The following FAF1 variants were observed in gnomAD, a reference collection of about 807,000 sequenced individuals.
FAF1 encodes Fas associated factor 1, also known as FAS-associated factor 1.
FAF1 carries 25 observed loss-of-function variants against 92.5 expected under a neutral mutation model. That is an observed-to-expected ratio of 0.27 (90% CI 0.20 to 0.38). FAF1 has a LOEUF of 0.38. Ranked by LOEUF, FAF1 falls within the 10% of genes least tolerant of loss-of-function variation. The pLI, the probability that FAF1 is intolerant of heterozygous loss-of-function variation, is 1.00. For missense variants in FAF1, 636 were observed against 793.3 expected (o/e 0.80, Z 2.38); for synonymous variants, 234 against 273.2 (o/e 0.86, Z 1.42).
At chr1:50,745,706 G>A (rs1659560412) in intron 4 of FAF1, among the ~76,000 whole-genome samples, 1 of 152,144 alleles carries the variant, frequency 6.6e-6, no homozygotes, top group Non-Finnish European at 1.5e-5. Context: ...AAAGTCCATG[G>A]AACAGTGAGA....
intron 15 of FAF1, among the ~76,000 whole-genome samples, chr1:50,533,149 G>T (rs1215110872): frequency 6.6e-6 from 1 of 151,938 alleles, no homozygotes; most frequent in Non-Finnish European, 1.5e-5. Flanking sequence ...TGTTGCCCTG[G>T]CTGGAATACA....
At chr1:50,648,046 G>C (rs1178688488) in intron 8 of FAF1, among the ~76,000 whole-genome samples, 1 of 152,110 alleles carries the variant, frequency 6.6e-6, no homozygotes, top group Admixed American at 6.5e-5. Context: ...ATAACCTGAG[G>C]TCAGGAGTTA....
intron 1 of FAF1, among the ~76,000 whole-genome samples, chr1:50,892,712 TA>T (rs1644729743): frequency 6.6e-6 from 1 of 152,198 alleles, no homozygotes; most frequent in Non-Finnish European, 1.5e-5. Context: ...TTTTTAATTA[TA>T]TACTAATATC....
At position 50,543,513 on chromosome 1, in the gene FAF1, T is replaced by C. The variant is rs376738996; in HGVS notation, c.1269-3785A>G. Among the ~76,000 whole-genome samples, 57 of 152,334 alleles carry C rather than the reference T, an allele frequency of 3.7e-4. 4 individuals carry two copies. The highest frequency in any genetic ancestry group is 1.3e-3 in the African/African-American group (56 of 41,578). ...ACTTACCTTTAAAACACTTGTCTTC[T>C]TGTAAGGATGAAATAAGTTAAGATA... On this transcript the variant is annotated intron_variant, in intron 13 of 18. Coordinates refer to ENST00000396153, the MANE Select transcript of FAF1 (RefSeq NM_007051.3).
At chr1:50,445,725 G>T (rs1460239449) in intron 18 of FAF1, among the ~76,000 whole-genome samples, 1 of 152,196 alleles carries the variant, frequency 6.6e-6, no homozygotes, top group East Asian at 1.9e-4. Context: ...TGGGGGAGAA[G>T]GGTCATTCTC....
At chr1:50,646,556 T>C (rs979283565) in intron 8 of FAF1, among the ~76,000 whole-genome samples, 1 of 152,232 alleles carries the variant, frequency 6.6e-6, no homozygotes, top group African/African-American at 2.4e-5. Context: ...CCAATGCTTA[T>C]AATTTACAAA....
chr1:50,660,877 T>G (rs1254428735), intron 7 of FAF1, among the ~76,000 whole-genome samples: 1 of 152,148 alleles, frequency 6.6e-6, no homozygotes, highest in Non-Finnish European at 1.5e-5. Context: ...GTACTCCACC[T>G]TAGAAGAGAA....
intron 1 of FAF1, among the ~76,000 whole-genome samples, chr1:50,915,111 C>T (rs1570134972): frequency 6.6e-6 from 1 of 152,318 alleles, no homozygotes; most frequent in South Asian, 2.1e-4. Flanking sequence ...TGGCTCATGC[C>T]TGTAATCCTA....
chr1:50,478,690 G>A (rs1022359439), intron 17 of FAF1, among the ~76,000 whole-genome samples: 5 of 152,090 alleles, frequency 3.3e-5, no homozygotes, highest in African/African-American at 1.2e-4. Flanking sequence ...AATTCACAAT[G>A]TTGTACAACC....
chr1:50,696,128 T>C (rs959225891), intron 7 of FAF1, among the ~76,000 whole-genome samples: 1 of 152,194 alleles, frequency 6.6e-6, no homozygotes, highest in Non-Finnish European at 1.5e-5. Flanking sequence ...ATGTGTAAGA[T>C]AGAATCTTAT....
intron 1 of FAF1, among the ~76,000 whole-genome samples, chr1:50,908,084 T>C (rs550078272): frequency 1.3e-5 from 2 of 152,314 alleles, no homozygotes; most frequent in South Asian, 4.1e-4. Flanking sequence ...TTCGTTCTCA[T>C]TGGTTTCAAA....
chr1:50,560,024 T>A (rs1319091824), intron 13 of FAF1, among the ~76,000 whole-genome samples: 1 of 152,204 alleles, frequency 6.6e-6, no homozygotes, highest in Non-Finnish European at 1.5e-5. Flanking sequence ...CTCTGCAGAA[T>A]CCATATTTGT....
intron 1 of FAF1, among the ~76,000 whole-genome samples, chr1:50,877,518 T>G (rs1277481720): frequency 6.6e-6 from 1 of 152,146 alleles, no homozygotes; most frequent in Non-Finnish European, 1.5e-5. Flanking sequence ...TCATATATTA[T>G]GTATTAAAAA....
At chr1:50,903,377 C>T (rs901793596) in intron 1 of FAF1, among the ~76,000 whole-genome samples, 3 of 152,088 alleles carry the variant, frequency 2.0e-5, no homozygotes, top group African/African-American at 7.2e-5. Flanking sequence ...ATGATTAGCA[C>T]ACTGTGTCTT....
At chr1:50,582,863 T>C (rs1202174953) in intron 11 of FAF1, among the ~76,000 whole-genome samples, 164 bp from the exon 12 acceptor site, 2 of 152,184 alleles carry the variant, frequency 1.3e-5, no homozygotes, top group East Asian at 1.9e-4. Flanking sequence ...TATTGGTTTT[T>C]AGAATTCTTC....
intron 1 of FAF1, among the ~76,000 whole-genome samples, chr1:50,943,590 A>G (rs1453671530): frequency 6.6e-6 from 1 of 152,150 alleles, no homozygotes; most frequent in African/African-American, 2.4e-5. Context: ...TCAGGAATGA[A>G]TTTTGCACTG....
At chr1:50,450,672 G>A (rs553651760) in intron 18 of FAF1, among the ~76,000 whole-genome samples, 14 of 152,238 alleles carry the variant, frequency 9.2e-5, no homozygotes, top group African/African-American at 3.1e-4. Flanking sequence ...TGATGAGCTA[G>A]GAATCCCTAA....
intron 1 of FAF1, among the ~76,000 whole-genome samples, chr1:50,897,884 A>G (rs1307488962): frequency 6.6e-6 from 1 of 152,154 alleles, no homozygotes; most frequent in Non-Finnish European, 1.5e-5. Flanking sequence ...ACTTTGTGTC[A>G]TCATGATCAT....
At chr1:50,741,756 T>C (rs1166857205) in intron 5 of FAF1, among the ~76,000 whole-genome samples, 2 of 152,240 alleles carry the variant, frequency 1.3e-5, no homozygotes, top group African/African-American at 4.8e-5. Flanking sequence ...TGGCCAGTTT[T>C]GGATTCAGCA....
Sources: gnomAD v4.1 joint callset for allele counts (sites outside exome capture counted in the v4.1 genomes callset) on GRCh38, gnomAD v4.1.1 for gene constraint, MANE v1.5 for transcripts, NCBI Gene and HGNC (gene_info 2026-07-23, HGNC 2026-07-21) for gene names.